The following SPMAP2L variants were observed in gnomAD, a reference collection of about 807,000 sequenced individuals.
SPMAP2L encodes sperm microtubule associated protein 2-like.
chr4:56,584,574 C>A, the SPMAP2L span: 1 of 1,535,374 alleles, frequency 6.5e-7, no homozygotes, highest in Non-Finnish European at 8.7e-7. Flanking sequence ...CTCTCAGTAG[C>A]CAAAGGCACA....
the SPMAP2L span, among the ~76,000 whole-genome samples, chr4:56,591,178 T>C: frequency 2.0e-5 from 3 of 152,288 alleles, no homozygotes; most frequent in Non-Finnish European, 2.9e-5. Context: ...GTTCTTGTGA[T>C]AGTGAGTGAG....
chr4:56,620,829 A>G, the SPMAP2L span, among the ~76,000 whole-genome samples: 1 of 152,250 alleles, frequency 6.6e-6, no homozygotes. Flanking sequence ...ACTGTAAGGA[A>G]GTGACTTGTA....
chr4:56,552,623 A>T, the SPMAP2L span: 1 of 1,453,222 alleles, frequency 6.9e-7, no homozygotes, highest in African/African-American at 1.4e-5. Context: ...AGGTAAGGCA[A>T]TATTGTATGG....
chr4:56,595,142 C>T, the SPMAP2L span: 1 of 1,611,424 alleles, frequency 6.2e-7, no homozygotes, highest in Non-Finnish European at 8.5e-7. Context: ...CTTAAACAAG[C>T]CACGGAAACT....
the SPMAP2L span, among the ~76,000 whole-genome samples, chr4:56,587,484 C>G: frequency 4.7e-5 from 7 of 148,688 alleles, no homozygotes; most frequent in Admixed American, 2.0e-4. Context: ...CTCTTCCCCC[C>G]CAAGTCCTCA....
the SPMAP2L span, among the ~76,000 whole-genome samples, chr4:56,618,811 T>A: frequency 6.6e-6 from 1 of 152,202 alleles, no homozygotes. Context: ...GCACGGAGCT[T>A]AACTTGCATT....
chr4:56,542,810 A>G, the SPMAP2L span, among the ~76,000 whole-genome samples: 1 of 152,068 alleles, frequency 6.6e-6, no homozygotes, highest in African/African-American at 2.4e-5. Context: ...GTCAGCCCTG[A>G]TCCCTCAACG....
the SPMAP2L span, chr4:56,548,715 T>G: frequency 1.9e-6 from 2 of 1,052,968 alleles, no homozygotes; most frequent in South Asian, 4.3e-5. Flanking sequence ...TCTCTTTTAA[T>G]TTGTGATGCT....
At chr4:56,614,972 G>A in the SPMAP2L span, among the ~76,000 whole-genome samples, 1 of 152,132 alleles carries the variant, frequency 6.6e-6, no homozygotes, top group Non-Finnish European at 1.5e-5. Context: ...TAAATGAGGA[G>A]CCCCAGAAGC....
the SPMAP2L span, among the ~76,000 whole-genome samples, chr4:56,611,783 A>G: frequency 6.6e-6 from 1 of 152,006 alleles, no homozygotes; most frequent in Non-Finnish European, 1.5e-5. Flanking sequence ...CCCCACTTCT[A>G]ACTCAGGACC....
At chr4:56,558,846 A>G in the SPMAP2L span, among the ~76,000 whole-genome samples, 1 of 152,018 alleles carries the variant, frequency 6.6e-6, no homozygotes, top group South Asian at 2.1e-4. Context: ...TTATCAAAAT[A>G]TATTTGGTTT....
the SPMAP2L span, chr4:56,603,220 G>C: frequency 6.5e-7 from 1 of 1,530,512 alleles, no homozygotes; most frequent in South Asian, 1.2e-5. Context: ...GCTCCTGTGC[G>C]TATTGTGTAT....
the SPMAP2L span, chr4:56,596,381 C>T: frequency 1.9e-6 from 2 of 1,034,966 alleles, no homozygotes; most frequent in Admixed American, 3.8e-5. Flanking sequence ...AAGATTCCCA[C>T]CCTTTCTGCT....
the SPMAP2L span, among the ~76,000 whole-genome samples, chr4:56,547,435 A>G: frequency 2.0e-5 from 3 of 152,036 alleles, no homozygotes; most frequent in East Asian, 3.9e-4. Context: ...CAGTAGAGAC[A>G]GGGTTTCACC....
At chr4:56,583,124 A>G in the SPMAP2L span, among the ~76,000 whole-genome samples, 39,597 of 151,800 alleles carry the variant, frequency 0.26, 6,622 homozygotes, top group East Asian at 0.48. Context: ...AAATACAAAA[A>G]TTAGCCAGGC....
chr4:56,578,801 T>C, the SPMAP2L span, among the ~76,000 whole-genome samples: 1 of 151,398 alleles, frequency 6.6e-6, no homozygotes, highest in South Asian at 2.1e-4. Flanking sequence ...AGACATACAA[T>C]TATGGCTGGA....
the SPMAP2L span, among the ~76,000 whole-genome samples, chr4:56,612,349 T>C: frequency 6.6e-6 from 1 of 151,988 alleles, no homozygotes; most frequent in Non-Finnish European, 1.5e-5. Flanking sequence ...ACATTTCTTT[T>C]TTTCTTTCTT....
the SPMAP2L span, among the ~76,000 whole-genome samples, chr4:56,617,031 G>A: frequency 7.2e-5 from 11 of 152,086 alleles, no homozygotes; most frequent in Admixed American, 7.2e-4. Context: ...CTGAAACCTC[G>A]AATAGTACGG....
the SPMAP2L span, among the ~76,000 whole-genome samples, chr4:56,609,734 A>G: frequency 1.3e-5 from 2 of 152,114 alleles, no homozygotes; most frequent in Non-Finnish European, 2.9e-5. Context: ...AGCTTGAGAG[A>G]GTTCATCCCT....
Sources: allele counts gnomAD v4.1 joint callset (sites outside exome capture counted in the v4.1 genomes callset), GRCh38; gene constraint gnomAD v4.1.1; transcripts MANE v1.5; gene names NCBI Gene and HGNC (gene_info 2026-07-23, HGNC 2026-07-21).